The following PCDHGB2 variants were observed in gnomAD, a reference collection of about 807,000 sequenced individuals.
PCDHGB2 encodes protocadherin gamma-B2.
PCDHGB2 carries 55 observed loss-of-function variants against 59.3 expected under a neutral mutation model. The ratio of observed to expected loss-of-function variants is 0.93; its 90% confidence interval spans 0.75 to 1.16. PCDHGB2 has a LOEUF of 1.16. Among genes scored for constraint, PCDHGB2 ranks in the 50% most tolerant of loss-of-function variants. The probability of loss-of-function intolerance (pLI) is 0.00; values close to 1 mark genes in which losing one functional copy is unlikely to be tolerated. For missense variants in PCDHGB2, 1,228 were observed against 1,198.5 expected (o/e 1.02, Z -0.36); for synonymous variants, 516 against 512.0 (o/e 1.01, Z -0.11).
intron 1 of PCDHGB2, chr5:141,384,518 C>A: frequency 1.2e-6 from 2 of 1,614,192 alleles, no homozygotes; most frequent in South Asian, 2.2e-5. Context: ...AGCGGGGACC[C>A]GCCTCTCAGC....
At chr5:141,463,844 G>T (rs545618795) in intron 1 of PCDHGB2, among the ~76,000 whole-genome samples, 1 of 152,140 alleles carries the variant, frequency 6.6e-6, no homozygotes, top group African/African-American at 2.4e-5. Context: ...AGTTGTTATA[G>T]TGGTATATCT....
intron 1 of PCDHGB2, among the ~76,000 whole-genome samples, chr5:141,458,338 G>A (rs1160200932): frequency 2.6e-5 from 4 of 152,134 alleles, no homozygotes; most frequent in African/African-American, 9.7e-5. Context: ...GTTTTAAGGA[G>A]TGGAGAGTTT....
chr5:141,385,498 T>C, intron 1 of PCDHGB2: 2 of 1,386,236 alleles, frequency 1.4e-6, no homozygotes, highest in Non-Finnish European at 1.9e-6. Context: ...TAGGATATAG[T>C]ATTTCTTTAG....
At chr5:141,428,188 G>T in intron 1 of PCDHGB2, 1 of 1,433,356 alleles carries the variant, frequency 7.0e-7, no homozygotes. Flanking sequence ...GACAGCCGCC[G>T]CTCTCTGCGC....
rs542816387 is a variant in PCDHGB2, at chr5:141,394,624, T to G, written c.2421+32068T>G. ...AGAGACTCGGGCCAGAACGCCTGGC[T>G]GTCCTACCGCCTGCTCAAGGCCAGC... On this transcript the variant is annotated intron_variant, in intron 1 of 3. Transcript: ENST00000522605. 2.5e-6 allele frequency: 4 copies of G among 1,613,110 alleles called. No individual in the cohort carries two copies. The South Asian group carries it at 3.3e-5, about 13-fold the overall frequency.
chr5:141,375,028 T>C, intron 1 of PCDHGB2: 1 of 1,614,042 alleles, frequency 6.2e-7, no homozygotes, highest in Non-Finnish European at 8.5e-7. Flanking sequence ...CGAGTTTTTA[T>C]GAGCTGGGTG....
At chr5:141,409,507 T>C (rs1220086382) in intron 1 of PCDHGB2, 3 of 1,613,982 alleles carry the variant, frequency 1.9e-6, no homozygotes, top group South Asian at 1.1e-5. Flanking sequence ...TTTCTTCCAG[T>C]AGAAGCATCA....
chr5:141,475,106 G>T (rs1182368610), intron 1 of PCDHGB2, among the ~76,000 whole-genome samples: 6 of 152,220 alleles, frequency 3.9e-5, no homozygotes, highest in Admixed American at 2.0e-4. Context: ...ATCCTAGGTG[G>T]TAAATAGGCC....
rs1033888717 is a variant in PCDHGB2 at position 141,512,540 on chromosome 5, T to C, written c.*1367T>C. 6.5e-6 allele frequency: 1 copy of C among 152,886 alleles called. No homozygotes were observed. Among genetic ancestry groups the C allele is most frequent in the African/African-American group, 2.4e-5 (1 of 41,476 alleles). 9.5% of individuals were successfully genotyped at this position (152,886 alleles called of 1,614,324 possible). ...CCATAGCCTGGTTAAAGTTCCCCAGTGCCTCCTTGTGCATAGACCTTCTTC... is the reference window on the plus strand; with the variant it reads ...CCATAGCCTGGTTAAAGTTCCCCAGCGCCTCCTTGTGCATAGACCTTCTTC... On this transcript the variant is annotated 3_prime_UTR_variant, in exon 4 of 4. Transcript: ENST00000522605.
At chr5:141,366,614 G>A in intron 1 of PCDHGB2, 10 of 1,614,248 alleles carry the variant, frequency 6.2e-6, no homozygotes, top group Non-Finnish European at 7.6e-6. Flanking sequence ...CCTCACCGCG[G>A]ACTCGAGGAA....
At chr5:141,414,043 G>A in intron 1 of PCDHGB2, 1 of 1,611,348 alleles carries the variant, frequency 6.2e-7, no homozygotes, top group Non-Finnish European at 8.5e-7. Context: ...AAAATTACCT[G>A]ACACGCAATT....
intron 1 of PCDHGB2, chr5:141,404,365 C>G (rs1322773399): frequency 1.2e-6 from 2 of 1,613,818 alleles, no homozygotes; most frequent in Admixed American, 3.3e-5. Context: ...GTACTTCCAT[C>G]TTCTCCGTGA....
At chr5:141,394,618 C>T (rs1439211567) in intron 1 of PCDHGB2, 2 of 1,613,396 alleles carry the variant, frequency 1.2e-6, no homozygotes, top group African/African-American at 1.3e-5. Context: ...GGCCAGAACG[C>T]CTGGCTGTCC....
At chr5:141,408,769 C>T in intron 1 of PCDHGB2, 1 of 1,611,166 alleles carries the variant, frequency 6.2e-7, no homozygotes, top group Non-Finnish European at 8.5e-7. Context: ...CCGATGGTGG[C>T]AAATACCCAG....
chr5:141,465,019 G>T (rs533151051), intron 1 of PCDHGB2, among the ~76,000 whole-genome samples: 1 of 151,978 alleles, frequency 6.6e-6, no homozygotes, highest in Non-Finnish European at 1.5e-5. Context: ...TAAGATTACA[G>T]CCATGAACCA....
chr5:141,419,075 A>C (rs2096322774), intron 1 of PCDHGB2: 3 of 1,613,968 alleles, frequency 1.9e-6, no homozygotes, highest in South Asian at 1.1e-5. Flanking sequence ...CAAGCTAGTA[A>C]CAGATGAGGC....
chr5:141,441,327 C>T (rs973149197), intron 1 of PCDHGB2: 2 of 152,196 alleles, frequency 1.3e-5, no homozygotes, highest in Admixed American at 6.5e-5. Flanking sequence ...AAAAATCTTC[C>T]TCCAATAATT....
intron 1 of PCDHGB2, among the ~76,000 whole-genome samples, chr5:141,402,740 C>A (rs2094301178): frequency 6.6e-6 from 1 of 152,146 alleles, no homozygotes; most frequent in Non-Finnish European, 1.5e-5. Context: ...CGCTGTTGAT[C>A]AACTCTAAGC....
chr5:141,403,217 A>G (rs763517467), intron 1 of PCDHGB2: 10 of 1,613,810 alleles, frequency 6.2e-6, no homozygotes, highest in East Asian at 2.2e-5. Context: ...CACCGCGGGT[A>G]GGATAGACCG....
Sources: gnomAD v4.1 joint callset for allele counts (sites outside exome capture counted in the v4.1 genomes callset) on GRCh38, gnomAD v4.1.1 for gene constraint, MANE v1.5 for transcripts, NCBI Gene and HGNC (gene_info 2026-07-23, HGNC 2026-07-21) for gene names.